GOSR1: variants seen among roughly 807,000 people sequenced by gnomAD.
GOSR1 encodes the protein 28 kDa Golgi SNARE protein.
In GOSR1, 21 loss-of-function variants were observed where a neutral mutation model predicts 35.5. That is an observed-to-expected ratio of 0.59 (90% CI 0.42 to 0.85). The LOEUF (loss-of-function observed/expected upper bound fraction) is 0.85. Ranked by LOEUF, GOSR1 falls within the 40% of genes least tolerant of loss-of-function variation. The pLI is 0.00. For missense variants in GOSR1, 285 were observed against 309.6 expected, an observed-to-expected ratio of 0.92 and a Z score of 0.60; for synonymous variants, 94 against 106.6, an observed-to-expected ratio of 0.88 and a Z score of 0.73.
At chr17:30,508,893 C>A (rs1967508228) in intron 6 of GOSR1, among the ~76,000 whole-genome samples, 1 of 152,110 alleles carries the variant, frequency 6.6e-6, no homozygotes, top group Non-Finnish European at 1.5e-5. Flanking sequence ...GTAGATTCAG[C>A]ATTTAAATAG....
At chr17:30,497,207 G>C (rs1184555009) in intron 6 of GOSR1, among the ~76,000 whole-genome samples, 2 of 152,046 alleles carry the variant, frequency 1.3e-5, no homozygotes, top group Non-Finnish European at 2.9e-5. Context: ...AGATTGGTCT[G>C]GGCAACATAG....
At chr17:30,509,486 A>G (rs552638425) in intron 6 of GOSR1, among the ~76,000 whole-genome samples, 4 of 152,386 alleles carry the variant, frequency 2.6e-5, no homozygotes, top group African/African-American at 7.2e-5. Flanking sequence ...CTAATTTATA[A>G]TGAAACCTTG....
chr17:30,478,790 C>G (rs1416441338), intron 1 of GOSR1: 1 of 152,086 alleles, frequency 6.6e-6, no homozygotes, highest in Non-Finnish European at 1.5e-5. Flanking sequence ...CTCCTGACCT[C>G]GTGATCCGCC....
In GOSR1 at chr17:30,524,246, C is replaced by T. The variant is rs1968143176; in HGVS notation, c.*1868C>T. On this transcript the variant is annotated 3_prime_UTR_variant, in exon 9 of 9. Transcript: ENST00000451249. ...AAAATAATATAATAATAATTCTTGT[C>T]CTCTTATTTTACACTCATAATGAGA... 1 of 152,526 alleles carries T rather than the reference C, an allele frequency of 6.6e-6. No homozygotes were observed. The highest frequency in any genetic ancestry group is 6.6e-5 in the Admixed American group (1 of 15,260). The allele number at this position is 152,526 out of a possible 1,614,324, so 9.4% of individuals were successfully genotyped here. A position where few individuals can be genotyped will look rare whatever the true frequency, so the allele number is the denominator to read the frequency against.
At chr17:30,496,231 C>A (rs148450387) in intron 6 of GOSR1, among the ~76,000 whole-genome samples, 68 of 152,264 alleles carry the variant, frequency 4.5e-4, no homozygotes, top group African/African-American at 1.3e-3. Flanking sequence ...TTCAGCCATC[C>A]GGTACACTGT....
rs1184396413 is a variant in GOSR1 at position 30,521,089 on chromosome 17, A to G, written c.622+1068A>G. On this transcript the variant is annotated intron_variant, in intron 8 of 8. Coordinates refer to ENST00000451249, the MANE Select transcript of GOSR1 (RefSeq NM_001007025.2). Reference sequence around the variant, plus strand: ...ACACTAAAGCCTTTCTCAATTGTTCATTAGAATTTACCACCACTCTTCTTT... The same window carrying G: ...ACACTAAAGCCTTTCTCAATTGTTCGTTAGAATTTACCACCACTCTTCTTT... Among the ~76,000 whole-genome samples, 3 of 149,198 alleles carry G rather than the reference A, an allele frequency of 2.0e-5. No homozygotes were observed. In the East Asian group the frequency reaches 6.1e-4, roughly 30 times the overall value.
At position 30,481,193 on chromosome 17, in the gene GOSR1, G is replaced by A; in HGVS notation, c.82G>A (p.Val28Ile). ...GGAAAATGAACTTGACCTGAAACTA[G>A]TTTCCTTCAGCAAACTATGTACAAG... ...QLENELDLKL[V>I]SFSKLCTSYS... The change falls in exon 2 of 9, where the codon GTT becomes ATT. Residue 28 changes from valine to isoleucine, a missense_variant. Physicochemically the swap from Val to Ile is conservative, Grantham distance 29. Coordinates refer to ENST00000451249, the MANE Select transcript of GOSR1 (RefSeq NM_001007025.2). 6.2e-7 allele frequency: 1 copy of A among 1,603,272 alleles called. No homozygotes were observed. Among genetic ancestry groups the A allele is most frequent in the South Asian group, 1.1e-5 (1 of 90,866 alleles).
chr17:30,522,399 T>C lies in GOSR1; in HGVS notation c.*21T>C. On this transcript the variant is annotated 3_prime_UTR_variant, in exon 9 of 9. Coordinates refer to ENST00000451249, the MANE Select transcript of GOSR1 (RefSeq NM_001007025.2). ...ATTGATGGGACATCTTCAGGGACTC[T>C]TGACAGCCACCGCTTTCACACCCTG... 2 of 1,537,240 alleles carry C rather than the reference T, an allele frequency of 1.3e-6. No individual in the cohort carries two copies. The highest frequency in any genetic ancestry group is 1.8e-6 in the Non-Finnish European group (2 of 1,138,056).
At chr17:30,505,404 G>GA (rs938093864) in intron 6 of GOSR1, among the ~76,000 whole-genome samples, 1 of 151,602 alleles carries the variant, frequency 6.6e-6, no homozygotes, top group Non-Finnish European at 1.5e-5. Context: ...GCTCTACAAA[G>GA]AAAAAAAATA....
chr17:30,480,865 A>T (rs182350158), intron 1 of GOSR1: 2 of 256,540 alleles, frequency 7.8e-6, no homozygotes, highest in Non-Finnish European at 1.6e-5. Flanking sequence ...GGCGTGCGCC[A>T]CCACACCTGG....
chr17:30,515,209 C>T (rs1381734038), intron 7 of GOSR1, among the ~76,000 whole-genome samples: 2 of 152,070 alleles, frequency 1.3e-5, no homozygotes, highest in Admixed American at 6.6e-5. Context: ...CTTACTGCAG[C>T]CTTGACCTTC....
chr17:30,494,158 G>C (rs1249342897), intron 6 of GOSR1, among the ~76,000 whole-genome samples: 1 of 150,656 alleles, frequency 6.6e-6, no homozygotes, highest in Non-Finnish European at 1.5e-5. Context: ...TGGAAAAAGA[G>C]TAAATCAGTT....
At chr17:30,485,751 G>T (rs1914642042) in intron 4 of GOSR1, among the ~76,000 whole-genome samples, 1 of 152,222 alleles carries the variant, frequency 6.6e-6, no homozygotes. Context: ...GCCGGGCGCA[G>T]TGGCTCGTGC....
Position 30,510,862 on chromosome 17 carries a change from T to A in GOSR1, c.510-18T>A. On this transcript the variant is annotated intron_variant, in intron 6 of 8. Transcript: ENST00000451249. ...CATTTAGTAAATTCAGAATTTGAAT[T>A]TTTCTTTTTATTTGCAGCTCAGATC... 1 of 1,416,288 alleles carries A rather than the reference T, an allele frequency of 7.1e-7. No individual in the cohort carries two copies. Among genetic ancestry groups the A allele is most frequent in the Non-Finnish European group, 9.9e-7 (1 of 1,007,846 alleles). The allele number at this position is 1,416,288 out of a possible 1,614,324, so 87.7% of individuals were successfully genotyped here.
intron 7 of GOSR1, among the ~76,000 whole-genome samples, chr17:30,515,442 G>A (rs1023746951): frequency 9.2e-5 from 14 of 152,182 alleles, no homozygotes; most frequent in African/African-American, 2.2e-4. Context: ...AGGCGGACCT[G>A]GCTGTTTCAC....
intron 8 of GOSR1, among the ~76,000 whole-genome samples, chr17:30,521,996 C>A (rs1567920327): frequency 1.3e-5 from 2 of 152,158 alleles, no homozygotes; most frequent in Non-Finnish European, 2.9e-5. Context: ...TCGTCCTTTT[C>A]TTCTCCCTCT....
At chr17:30,480,962 T>A (rs1914301549) in intron 1 of GOSR1, 181 bp from the exon 2 acceptor site, 4 of 467,118 alleles carry the variant, frequency 8.6e-6, no homozygotes, top group Non-Finnish European at 1.6e-5. Flanking sequence ...TCCGCCCACC[T>A]TGGCCTCCCA....
chr17:30,507,884 T>A (rs1967464299), intron 6 of GOSR1, among the ~76,000 whole-genome samples: 1 of 152,190 alleles, frequency 6.6e-6, no homozygotes, highest in Non-Finnish European at 1.5e-5. Flanking sequence ...GTGAAGACGC[T>A]GTAAACATTG....
chr17:30,510,608 G>GT, intron 6 of GOSR1: 1 of 216,492 alleles, frequency 4.6e-6, no homozygotes, highest in Admixed American at 5.9e-5. Context: ...CAGCTATTTG[G>GT]GAAGCTGAGG....
Sources: gnomAD v4.1 joint callset for allele counts (sites outside exome capture counted in the v4.1 genomes callset) on GRCh38, gnomAD v4.1.1 for gene constraint, MANE v1.5 for transcripts, NCBI Gene and HGNC (gene_info 2026-07-23, HGNC 2026-07-21) for gene names.